MYO16: variants seen among roughly 807,000 people sequenced by gnomAD.
MYO16 encodes the protein myosin XVI.
A neutral mutation model predicts 205.3 loss-of-function variants in MYO16; 94 were observed. The observed-to-expected ratio is 0.46, with a 90% CI of 0.39 to 0.54. The LOEUF is 0.54. Among genes scored for constraint, MYO16 ranks in the 20% least tolerant of loss-of-function variants. The pLI, the probability that MYO16 is intolerant of heterozygous loss-of-function variation, is 0.00. For synonymous variants in MYO16, 988 were observed against 954.0 expected (o/e 1.04, Z -0.66); for missense variants, 2,315 against 2,387.5 (o/e 0.97, Z 0.63).
chr13:109,132,698 A>G (rs1184252039), intron 31 of MYO16, among the ~76,000 whole-genome samples: 1 of 152,220 alleles, frequency 6.6e-6, no homozygotes, highest in Non-Finnish European at 1.5e-5. Flanking sequence ...AAAATTTTAA[A>G]TGGACAGAAA....
At chr13:108,829,145 C>T (rs1310907192) in intron 9 of MYO16, among the ~76,000 whole-genome samples, 1 of 152,144 alleles carries the variant, frequency 6.6e-6, no homozygotes, top group East Asian at 1.9e-4. Context: ...TGCCCTTAAC[C>T]TGTAGGCTCT....
chr13:108,742,619 C>G (rs1884944858), intron 4 of MYO16, among the ~76,000 whole-genome samples: 1 of 152,022 alleles, frequency 6.6e-6, no homozygotes, highest in Non-Finnish European at 1.5e-5. Flanking sequence ...AAAACAATTC[C>G]AAGGTATTTT....
chr13:108,656,916 G>T (rs1881271201), intron 1 of MYO16, among the ~76,000 whole-genome samples: 1 of 152,114 alleles, frequency 6.6e-6, no homozygotes, highest in South Asian at 2.1e-4. Context: ...CATCCTAATT[G>T]TCCCGTTTCC....
chr13:108,501,504 CAG>C, the MYO16 span, among the ~76,000 whole-genome samples: 1 of 152,220 alleles, frequency 6.6e-6, no homozygotes, highest in African/African-American at 2.4e-5. Flanking sequence ...ATCATTTATT[CAG>C]AGTTACACTG....
intron 22 of MYO16, among the ~76,000 whole-genome samples, chr13:109,019,059 C>G (rs1322358530): frequency 6.6e-6 from 1 of 151,458 alleles, no homozygotes. Flanking sequence ...ACCTCCACCT[C>G]TTGGGGTCTA....
At chr13:108,532,384 A>G in the MYO16 span, among the ~76,000 whole-genome samples, 8 of 151,798 alleles carry the variant, frequency 5.3e-5, no homozygotes, top group Non-Finnish European at 8.8e-5. Flanking sequence ...CTGTTTGAAC[A>G]GAGTAGTGAT....
chr13:108,882,781 C>T (rs1226843139), intron 12 of MYO16, among the ~76,000 whole-genome samples: 1 of 152,072 alleles, frequency 6.6e-6, no homozygotes, highest in East Asian at 1.9e-4. Flanking sequence ...TATTAAAGAA[C>T]ATATTTTGTG....
At chr13:108,833,823 C>G (rs539149743) in intron 9 of MYO16, among the ~76,000 whole-genome samples, 1 of 152,076 alleles carries the variant, frequency 6.6e-6, no homozygotes, top group East Asian at 1.9e-4. Flanking sequence ...TTTTTTTTCA[C>G]AGTCAGAGTT....
chr13:108,886,868 A>C (rs528205800), intron 13 of MYO16, among the ~76,000 whole-genome samples: 25 of 152,004 alleles, frequency 1.6e-4, no homozygotes, highest in African/African-American at 6.0e-4. Flanking sequence ...GGAAGAGCAA[A>C]TCTCTGGTTA....
At chr13:108,923,510 G>T (rs954225015) in intron 16 of MYO16, among the ~76,000 whole-genome samples, 2 of 152,242 alleles carry the variant, frequency 1.3e-5, no homozygotes, top group African/African-American at 4.8e-5. Context: ...AGCAGGCGCT[G>T]CCTGGACAGC....
intron 16 of MYO16, among the ~76,000 whole-genome samples, chr13:108,950,202 A>G (rs1883090800): frequency 6.6e-6 from 1 of 152,088 alleles, no homozygotes; most frequent in South Asian, 2.1e-4. Context: ...TATGACATCA[A>G]AATTTAAAAC....
chr13:108,840,256 C>T (rs1877172927), intron 9 of MYO16, among the ~76,000 whole-genome samples: 1 of 152,108 alleles, frequency 6.6e-6, no homozygotes, highest in Admixed American at 6.6e-5. Flanking sequence ...GAAAACTCAC[C>T]TTGCATTTCT....
intron 16 of MYO16, among the ~76,000 whole-genome samples, chr13:108,957,383 C>CAAAAAAAAAAAAAAAAA (rs33954239): frequency 1.0e-5 from 1 of 96,940 alleles, no homozygotes. Context: ...AACTCCATCT[C>CAAAAAAAAAAAAAAAAA]AAAAAAAAAA....
intron 1 of MYO16, among the ~76,000 whole-genome samples, chr13:108,606,481 G>A (rs188804200): frequency 2.6e-5 from 4 of 152,278 alleles, no homozygotes; most frequent in Admixed American, 2.6e-4. Flanking sequence ...TTGTTTTAGA[G>A]GGTGGAAGTC....
At chr13:108,941,805 A>G (rs1481331399) in intron 16 of MYO16, among the ~76,000 whole-genome samples, 1 of 152,116 alleles carries the variant, frequency 6.6e-6, no homozygotes, top group African/African-American at 2.4e-5. Context: ...GATTCAAACA[A>G]GAGAAATGCT....
At position 109,125,791 on chromosome 13, in the gene MYO16, G is replaced by C. The variant is rs1470039366; in HGVS notation, c.3782+433G>C. ...ATACCACTCTGAAAACATGGAAGAA[G>C]TGAACTCAATAGATAGATTGTAAGT... On this transcript the variant is annotated intron_variant, in intron 30 of 34. Coordinates refer to ENST00000457511, the MANE Select transcript of MYO16 (RefSeq NM_001198950.3). The surrounding 1 kb of genome is among the most constrained non-coding windows in gnomAD (Gnocchi z 4.0). 6.6e-6 allele frequency among the ~76,000 whole-genome samples: 1 copy of C among 152,232 alleles called. No individual in the cohort carries two copies. Among genetic ancestry groups the C allele is most frequent in the Non-Finnish European group, 1.5e-5 (1 of 68,042 alleles).
intron 27 of MYO16, among the ~76,000 whole-genome samples, chr13:109,074,560 A>T (rs754846135): frequency 6.6e-6 from 1 of 152,158 alleles, no homozygotes; most frequent in Non-Finnish European, 1.5e-5. Flanking sequence ...CGAGAACAGC[A>T]TGGGGGAACA....
intron 12 of MYO16, among the ~76,000 whole-genome samples, chr13:108,870,549 T>G (rs866548045): frequency 1.2e-4 from 18 of 152,110 alleles, no homozygotes; most frequent in African/African-American, 4.3e-4. Context: ...AGTTCTGGAT[T>G]TAATTTCTTT....
chr13:109,107,288 C>T (rs543329603), intron 28 of MYO16, among the ~76,000 whole-genome samples: 7 of 152,236 alleles, frequency 4.6e-5, no homozygotes, highest in East Asian at 1.9e-4. Context: ...GTAATGTTTA[C>T]GGAATAGTCT....
Sources: allele counts gnomAD v4.1 joint callset (sites outside exome capture counted in the v4.1 genomes callset), GRCh38; gene constraint gnomAD v4.1.1; non-coding constraint Gnocchi (gnomAD v3.1); transcripts MANE v1.5; gene names NCBI Gene and HGNC (gene_info 2026-07-23, HGNC 2026-07-21).